CNTN5: variants seen among roughly 807,000 people sequenced by gnomAD.
The protein encoded by CNTN5 is contactin-5.
Under a neutral mutation model 129.1 loss-of-function variants are expected in CNTN5, and 77 were observed. That is an observed-to-expected ratio of 0.60 (90% CI 0.50 to 0.72). CNTN5 has a LOEUF of 0.72. Among genes scored for constraint, CNTN5 ranks in the 30% least tolerant of loss-of-function variants. The pLI is 0.00. For missense variants in CNTN5, 1,478 were observed against 1,328.8 expected (o/e 1.11, Z -1.75); for synonymous variants, 509 against 465.6 (o/e 1.09, Z -1.20).
intron 3 of CNTN5, among the ~76,000 whole-genome samples, chr11:99,597,666 T>A (rs929009141): frequency 6.6e-6 from 1 of 152,182 alleles, no homozygotes; most frequent in Admixed American, 6.5e-5. Context: ...TTATACTAAC[T>A]CTTTTGTGTT....
At chr11:99,314,412 G>T (rs1242912420) in intron 1 of CNTN5, among the ~76,000 whole-genome samples, 1 of 152,020 alleles carries the variant, frequency 6.6e-6, no homozygotes, top group African/African-American at 2.4e-5. Flanking sequence ...GTGTGCTTAT[G>T]CTGTACCATG....
In CNTN5 at chr11:99,569,467, C is replaced by G. The variant is rs543160124; in HGVS notation, c.55+13198C>G. ...TAGCTGGGATTACAGGTGTGCACCACCATGCCTGGCTAATTTTTGTATATT... is the reference window on the plus strand; with the variant it reads ...TAGCTGGGATTACAGGTGTGCACCAGCATGCCTGGCTAATTTTTGTATATT... On this transcript the variant is annotated intron_variant, in intron 3 of 24. Coordinates refer to ENST00000524871, the MANE Select transcript of CNTN5 (RefSeq NM_014361.4). Among the ~76,000 whole-genome samples the G allele has an allele frequency of 3.3e-5, 5 of 152,258 alleles. No individual in the cohort carries two copies. The East Asian group carries it at 9.7e-4, about 29-fold the overall frequency.
At chr11:99,657,880 T>G (rs1389074162) in intron 3 of CNTN5, among the ~76,000 whole-genome samples, 1 of 152,160 alleles carries the variant, frequency 6.6e-6, no homozygotes, top group African/African-American at 2.4e-5. Context: ...CTAGACCCAT[T>G]CAGAATTTAT....
Position 99,420,209 on chromosome 11 carries a change from C to T in CNTN5, c.-71+94725C>T, listed in dbSNP as rs182962052. On this transcript the variant is annotated intron_variant, in intron 2 of 24. Coordinates refer to ENST00000524871, the MANE Select transcript of CNTN5 (RefSeq NM_014361.4). ...AATGCTCTTTTTGGTGAAACTTGAACAATTAGTCATCTGGTCTCCTTTGAC... is the reference window on the plus strand; with the variant it reads ...AATGCTCTTTTTGGTGAAACTTGAATAATTAGTCATCTGGTCTCCTTTGAC... Among the ~76,000 whole-genome samples the T allele has an allele frequency of 2.0e-4, 30 of 152,030 alleles. 1 individual carries two copies. Among genetic ancestry groups the T allele is most frequent in the Admixed American group, 1.4e-3 (22 of 15,254 alleles).
chr11:100,230,100 C>T (rs980992562), intron 16 of CNTN5, among the ~76,000 whole-genome samples: 4 of 152,242 alleles, frequency 2.6e-5, no homozygotes, highest in South Asian at 4.1e-4. Context: ...ATACTAAATA[C>T]ATTTGCAAAT....
chr11:99,127,674 A>G (rs1195509798), intron 1 of CNTN5, among the ~76,000 whole-genome samples: 2 of 152,094 alleles, frequency 1.3e-5, no homozygotes, highest in African/African-American at 2.4e-5. Flanking sequence ...TGCACTTGCA[A>G]CCTTCTCAAC....
chr11:99,076,346 A>T (rs1865571927), intron 1 of CNTN5, among the ~76,000 whole-genome samples: 1 of 151,976 alleles, frequency 6.6e-6, no homozygotes, highest in African/African-American at 2.4e-5. Flanking sequence ...AACAAAACAA[A>T]AACAAACCAA....
intron 3 of CNTN5, among the ~76,000 whole-genome samples, chr11:99,621,176 C>T (rs1950938192): frequency 6.6e-6 from 1 of 152,146 alleles, no homozygotes; most frequent in Admixed American, 6.5e-5. Flanking sequence ...ATTGTTCAGT[C>T]ATGGCCAGTG....
chr11:99,402,457 T>C (rs1941863097), intron 2 of CNTN5, among the ~76,000 whole-genome samples: 1 of 152,186 alleles, frequency 6.6e-6, no homozygotes, highest in African/African-American at 2.4e-5. Flanking sequence ...TAATGTATTG[T>C]TGAATTTGGT....
chr11:99,560,546 C>A (rs1948809108), intron 3 of CNTN5, among the ~76,000 whole-genome samples: 1 of 152,108 alleles, frequency 6.6e-6, no homozygotes. Context: ...CTGCCTCGGC[C>A]TCCCAAACTG....
At chr11:99,720,107 G>A (rs1943121373) in intron 3 of CNTN5, among the ~76,000 whole-genome samples, 1 of 152,048 alleles carries the variant, frequency 6.6e-6, no homozygotes, top group African/African-American at 2.4e-5. Flanking sequence ...GATGTACAAA[G>A]AAGATCTGGT....
At chr11:99,995,234 G>T (rs943817115) in intron 8 of CNTN5, among the ~76,000 whole-genome samples, 4 of 151,548 alleles carry the variant, frequency 2.6e-5, no homozygotes, top group African/African-American at 9.7e-5. Flanking sequence ...GTCAGAGATG[G>T]TACAGACTAG....
At chr11:99,636,623 C>G (rs895236166) in intron 3 of CNTN5, among the ~76,000 whole-genome samples, 2 of 152,016 alleles carry the variant, frequency 1.3e-5, no homozygotes, top group Non-Finnish European at 2.9e-5. Context: ...GACCAAGTCA[C>G]TGTTAGTTGC....
At chr11:100,265,366 T>C (rs187418883) in intron 17 of CNTN5, among the ~76,000 whole-genome samples, 2 of 152,294 alleles carry the variant, frequency 1.3e-5, no homozygotes, top group Admixed American at 1.3e-4. Flanking sequence ...ATAGCTCTTT[T>C]AGATGCTTCC....
At chr11:99,929,505 G>A (rs1200378266) in intron 7 of CNTN5, among the ~76,000 whole-genome samples, 2 of 152,148 alleles carry the variant, frequency 1.3e-5, no homozygotes, top group East Asian at 1.9e-4. Context: ...ACGTTTAATT[G>A]GTTGACAGTT....
At chr11:100,238,656 C>A (rs929552651) in intron 16 of CNTN5, among the ~76,000 whole-genome samples, 2 of 152,224 alleles carry the variant, frequency 1.3e-5, no homozygotes, top group African/African-American at 4.8e-5. Flanking sequence ...AATGAGGTTA[C>A]AAACAGTAAA....
intron 13 of CNTN5, among the ~76,000 whole-genome samples, chr11:100,107,488 C>CT (rs10630943): frequency 0.27 from 35,526 of 130,408 alleles, 4,918 homozygotes; most frequent in East Asian, 0.34. Context: ...CTATAGTATT[C>CT]TTTTTTTTTT....
At chr11:99,419,680 T>C (rs1942803844) in intron 2 of CNTN5, among the ~76,000 whole-genome samples, 1 of 152,134 alleles carries the variant, frequency 6.6e-6, no homozygotes, top group African/African-American at 2.4e-5. Flanking sequence ...GATTGAGTTG[T>C]TCAGTAGGGC....
At chr11:100,303,582 TTTATCC>T (rs1214709178) in intron 20 of CNTN5, among the ~76,000 whole-genome samples, 1 of 151,478 alleles carries the variant, frequency 6.6e-6, no homozygotes, top group East Asian at 1.9e-4. Context: ...TCCTTTATCC[TTTATCC>T]TTTCTAGTTT....
Sources: gnomAD v4.1 joint callset for allele counts (sites outside exome capture counted in the v4.1 genomes callset) on GRCh38, gnomAD v4.1.1 for gene constraint, MANE v1.5 for transcripts, NCBI Gene and HGNC (gene_info 2026-07-23, HGNC 2026-07-21) for gene names.